Variants in MFHAS1 observed in about 807,000 individuals in gnomAD.
The protein encoded by MFHAS1 is multifunctional ROCO family signaling regulator 1.
In MFHAS1, 50 loss-of-function variants were observed where a neutral mutation model predicts 70.4. The ratio of observed to expected loss-of-function variants is 0.71; its 90% CI spans 0.57 to 0.90. The LOEUF is 0.90. Ranked by LOEUF, MFHAS1 falls within the 40% of genes least tolerant of loss-of-function variation. The probability of loss-of-function intolerance (pLI) is 0.00; values close to 1 mark genes in which losing one functional copy is unlikely to be tolerated. For synonymous variants in MFHAS1, 952 were observed against 620.0 expected, an observed-to-expected ratio of 1.54 and a Z score of -7.96; for missense variants, 1,795 against 1,347.6, an observed-to-expected ratio of 1.33 and a Z score of -5.20.
At position 8,893,613 on chromosome 8, in the gene MFHAS1, G is replaced by C. The variant is rs1810193169; in HGVS notation, c.-555C>G. On this transcript the variant is annotated 5_prime_UTR_variant, in exon 1 of 3. Transcript: ENST00000276282. ...GCGCCGCGTCCCCGGCGCTGGGAGGGCGCGATTGGGAAGCGGCAGCGCCGC... is the reference window on the plus strand; with the variant it reads ...GCGCCGCGTCCCCGGCGCTGGGAGGCCGCGATTGGGAAGCGGCAGCGCCGC... The C allele has an allele frequency of 6.8e-6, 1 of 146,948 alleles. No homozygotes were observed. The highest frequency in any genetic ancestry group is 2.4e-5 in the African/African-American group (1 of 40,912). 9.1% of individuals were successfully genotyped at this position (146,948 alleles called of 1,614,324 possible).
intron 1 of MFHAS1, among the ~76,000 whole-genome samples, chr8:8,848,797 A>G (rs1230918765): frequency 6.6e-6 from 1 of 152,166 alleles, no homozygotes; most frequent in Non-Finnish European, 1.5e-5. Flanking sequence ...ACTTAACACA[A>G]ATGAATTAAA....
intron 1 of MFHAS1, among the ~76,000 whole-genome samples, chr8:8,874,236 G>A (rs1809201479): frequency 6.6e-6 from 1 of 151,774 alleles, no homozygotes; most frequent in African/African-American, 2.4e-5. Context: ...TTAACAATCT[G>A]GAAAGGATCA....
Position 8,788,789 on chromosome 8 carries a change from G to A in MFHAS1, c.3126-2734C>T, listed in dbSNP as rs1805634133. 2.6e-5 allele frequency among the ~76,000 whole-genome samples: 4 copies of A among 152,236 alleles called. No homozygotes were observed. The South Asian group carries it at 8.3e-4, about 31-fold the overall frequency. On this transcript the variant is annotated intron_variant, in intron 2 of 2. Transcript: ENST00000276282. The stretch of plus-strand genomic sequence containing the variant: ...GAGCTGACATATGACCTTGGCCTCA[G>A]CGACCAATGGGCCTTAACTGGGTAG...
intron 1 of MFHAS1, among the ~76,000 whole-genome samples, chr8:8,829,643 T>C (rs991546780): frequency 6.6e-6 from 1 of 152,216 alleles, no homozygotes; most frequent in African/African-American, 2.4e-5. Flanking sequence ...ATCACGCCAC[T>C]GCACTTCAGC....
intron 1 of MFHAS1, among the ~76,000 whole-genome samples, chr8:8,878,137 G>A (rs149138389): frequency 1.4e-4 from 22 of 152,188 alleles, no homozygotes; most frequent in Middle Eastern, 3.4e-3. Context: ...CATGACCTCC[G>A]CTGACCTCTG....
At chr8:8,815,640 T>C (rs920386443) in intron 1 of MFHAS1, among the ~76,000 whole-genome samples, 2 of 152,344 alleles carry the variant, frequency 1.3e-5, no homozygotes, top group South Asian at 4.1e-4. Flanking sequence ...TTTTTTCATA[T>C]GTTTGTTGCA....
At chr8:8,848,654 G>A (rs978986418) in intron 1 of MFHAS1, among the ~76,000 whole-genome samples, 1 of 152,156 alleles carries the variant, frequency 6.6e-6, no homozygotes, top group Non-Finnish European at 1.5e-5. Flanking sequence ...GCAAGAGGTA[G>A]TTATTTTTAA....
chr8:8,796,008 C>G (rs965716207), intron 2 of MFHAS1, among the ~76,000 whole-genome samples: 3 of 152,224 alleles, frequency 2.0e-5, no homozygotes, highest in African/African-American at 7.2e-5. Flanking sequence ...CCAAGAAGAT[C>G]TGTGGCTGCT....
In MFHAS1 at chr8:8,890,412, C is replaced by G. The variant is rs2116948894; in HGVS notation, c.2647G>C (p.Glu883Gln). Residue 883 changes from glutamate (E) to glutamine (Q), a missense_variant, in exon 1 of 3, where the codon GAA (glutamate) becomes CAA (glutamine). By Grantham distance (29) the Glu-to-Gln change is conservative. Coordinates refer to ENST00000276282, the MANE Select transcript of MFHAS1 (RefSeq NM_004225.3). The stretch of plus-strand genomic sequence containing the variant: ...GGAAAAGTAAAAGGAAAGCTATATT[C>G]AATCTGCAACTGCTCAGCCACAAAA... ...QSFVAEQLQI[E>Q]YSFPFTFPLG... 1 of 1,614,024 alleles carries G rather than the reference C, an allele frequency of 6.2e-7. No individual in the cohort carries two copies. The highest frequency in any genetic ancestry group is 1.1e-5 in the South Asian group (1 of 91,062).
At chr8:8,799,321 A>C (rs1380491702) in intron 1 of MFHAS1, among the ~76,000 whole-genome samples, 2 of 152,232 alleles carry the variant, frequency 1.3e-5, no homozygotes, top group Non-Finnish European at 2.9e-5. Context: ...ATGGTCTCTC[A>C]AAAACTATTA....
chr8:8,806,456 G>A (rs1467874369), intron 1 of MFHAS1, among the ~76,000 whole-genome samples: 1 of 152,202 alleles, frequency 6.6e-6, no homozygotes, highest in Non-Finnish European at 1.5e-5. Context: ...AGGAAGCTGA[G>A]TCACCTACTA....
intron 1 of MFHAS1, among the ~76,000 whole-genome samples, chr8:8,814,292 C>T (rs1370193053): frequency 6.6e-6 from 1 of 152,130 alleles, no homozygotes; most frequent in East Asian, 1.9e-4. Flanking sequence ...AGGTTAGATG[C>T]ACAAATACTT....
intron 1 of MFHAS1, among the ~76,000 whole-genome samples, chr8:8,840,718 T>C (rs1337674782): frequency 2.0e-5 from 3 of 152,208 alleles, no homozygotes; most frequent in Non-Finnish European, 2.9e-5. Context: ...CGTTGGTTCT[T>C]AGAATCCCTG....
At chr8:8,860,260 G>A (rs1808612361) in intron 1 of MFHAS1, among the ~76,000 whole-genome samples, 1 of 152,132 alleles carries the variant, frequency 6.6e-6, no homozygotes, top group Admixed American at 6.5e-5. Context: ...CTCTTTGGTG[G>A]CAGATGCCCA....
At chr8:8,821,073 G>T (rs1400771541) in intron 1 of MFHAS1, among the ~76,000 whole-genome samples, 1 of 152,210 alleles carries the variant, frequency 6.6e-6, no homozygotes, top group African/African-American at 2.4e-5. Flanking sequence ...CTGGGTCTCA[G>T]TTCCACATAT....
chr8:8,805,489 A>G (rs1398403196), intron 1 of MFHAS1, among the ~76,000 whole-genome samples: 2 of 152,328 alleles, frequency 1.3e-5, no homozygotes, highest in East Asian at 1.9e-4. Context: ...GAAGTAGACC[A>G]TCATAAAGGT....
At chr8:8,888,368 C>T (rs780829658) in intron 1 of MFHAS1, among the ~76,000 whole-genome samples, 2 of 152,144 alleles carry the variant, frequency 1.3e-5, no homozygotes, top group East Asian at 1.9e-4. Flanking sequence ...CAGAGTGGGA[C>T]GCAGTCTTCC....
At chr8:8,879,869 C>A (rs1010029312) in intron 1 of MFHAS1, among the ~76,000 whole-genome samples, 1 of 152,204 alleles carries the variant, frequency 6.6e-6, no homozygotes, top group Admixed American at 6.5e-5. Flanking sequence ...TAATCATCTA[C>A]ATTTGTATCA....
At chr8:8,786,149 A>AT in intron 2 of MFHAS1, 94 bp from the exon 3 acceptor site, 1 of 1,175,460 alleles carries the variant, frequency 8.5e-7, no homozygotes. Flanking sequence ...ATAGAAATCT[A>AT]TTTTCTGCAC....
Sources: gnomAD v4.1 joint callset for allele counts (sites outside exome capture counted in the v4.1 genomes callset) on GRCh38, gnomAD v4.1.1 for gene constraint, MANE v1.5 for transcripts, NCBI Gene and HGNC (gene_info 2026-07-23, HGNC 2026-07-21) for gene names.